GRM5: variants seen among roughly 807,000 people sequenced by gnomAD.
The protein encoded by GRM5 is metabotropic glutamate receptor 5.
GRM5 carries 19 observed loss-of-function variants against 83.1 expected under a neutral mutation model. The ratio of observed to expected loss-of-function variants is 0.23; its 90% CI spans 0.16 to 0.34. The LOEUF is 0.34. Ranked by LOEUF, GRM5 falls within the 10% of genes least tolerant of loss-of-function variation. The pLI is 1.00. For synonymous variants in GRM5, 675 were observed against 633.6 expected (o/e 1.07, Z -0.98); for missense variants, 1,160 against 1,588.3 (o/e 0.73, Z 4.58).
intron 3 of GRM5, among the ~76,000 whole-genome samples, chr11:88,843,319 AC>A (rs1458921819): frequency 6.6e-6 from 1 of 152,160 alleles, no homozygotes; most frequent in Non-Finnish European, 1.5e-5. Context: ...TTTATGGCAT[AC>A]AGTGTGATAT....
chr11:88,645,155 A>G (rs932576077), intron 4 of GRM5, among the ~76,000 whole-genome samples: 3 of 152,086 alleles, frequency 2.0e-5, no homozygotes, highest in Admixed American at 1.3e-4. Context: ...TTTAATCTTC[A>G]TTTTATTAAC....
intron 3 of GRM5, among the ~76,000 whole-genome samples, chr11:88,789,854 A>ATT (rs143126833): frequency 4.7e-5 from 7 of 150,272 alleles, no homozygotes; most frequent in East Asian, 2.0e-4. Flanking sequence ...TACAAGGCAA[A>ATT]TTTTTTTTTT....
At chr11:88,543,460 T>C (rs1339882377) in intron 8 of GRM5, among the ~76,000 whole-genome samples, 1 of 152,062 alleles carries the variant, frequency 6.6e-6, no homozygotes, top group Admixed American at 6.6e-5. Flanking sequence ...ACCATGTATG[T>C]ATCCCAGTGC....
chr11:88,923,551 G>A (rs949256667), intron 2 of GRM5, among the ~76,000 whole-genome samples: 2 of 152,112 alleles, frequency 1.3e-5, no homozygotes, highest in Admixed American at 1.3e-4. Flanking sequence ...AAGCTGGGAA[G>A]TGTAGTGGGG....
chr11:88,789,356 G>GA (rs890088490), intron 3 of GRM5, among the ~76,000 whole-genome samples: 2 of 145,480 alleles, frequency 1.4e-5, no homozygotes, highest in East Asian at 2.0e-4. Context: ...TAAAAGCAAA[G>GA]AAAAAAAAGA....
intron 1 of GRM5, among the ~76,000 whole-genome samples, chr11:89,064,939 AGG>A (rs1491546827): frequency 0.049 from 2,622 of 53,166 alleles, 175 homozygotes; most frequent in African/African-American, 0.12. Flanking sequence ...AGAGAGAGAG[AGG>A]GAGAGAGAGA....
At chr11:88,553,740 A>G (rs1263520300) in intron 8 of GRM5, among the ~76,000 whole-genome samples, 1 of 152,142 alleles carries the variant, frequency 6.6e-6, no homozygotes, top group African/African-American at 2.4e-5. Context: ...GAGCCAACCT[A>G]GGGATGAATA....
intron 3 of GRM5, among the ~76,000 whole-genome samples, chr11:88,694,984 C>T (rs931915928): frequency 6.6e-6 from 1 of 152,148 alleles, no homozygotes; most frequent in Non-Finnish European, 1.5e-5. Context: ...CACATGAGCT[C>T]TGAACTTAAC....
At chr11:88,662,593 G>A (rs1387514784) in intron 3 of GRM5, among the ~76,000 whole-genome samples, 1 of 152,130 alleles carries the variant, frequency 6.6e-6, no homozygotes, top group Non-Finnish European at 1.5e-5. Flanking sequence ...CTTTAAAATA[G>A]GGATACTACC....
At chr11:88,767,594 T>C (rs1158700777) in intron 3 of GRM5, among the ~76,000 whole-genome samples, 1 of 152,046 alleles carries the variant, frequency 6.6e-6, no homozygotes, top group African/African-American at 2.4e-5. Context: ...AAATACTGCA[T>C]GTTCTCACTT....
In GRM5 at chr11:88,789,311, T is replaced by C. The variant is rs772139588; in HGVS notation, c.911+60595A>G. 8.8e-4 allele frequency among the ~76,000 whole-genome samples: 134 copies of C among 151,838 alleles called. 2 individuals carry two copies. Among genetic ancestry groups the C allele is most frequent in the Middle Eastern group, 3.2e-3 (1 of 316 alleles). On this transcript the variant is annotated intron_variant, in intron 3 of 9. Transcript: ENST00000305447. The stretch of plus-strand genomic sequence containing the variant: ...AAATTGTGGGTGATGAGATCAATTG[T>C]CAAGGTCTGGAGGCCAAGTTCCATT...
At chr11:88,986,128 C>T (rs1344321610) in intron 2 of GRM5, among the ~76,000 whole-genome samples, 1 of 152,088 alleles carries the variant, frequency 6.6e-6, no homozygotes, top group Non-Finnish European at 1.5e-5. Flanking sequence ...TTTAAATGAC[C>T]ATGGTACATC....
chr11:88,695,774 G>A (rs910541635), intron 3 of GRM5, among the ~76,000 whole-genome samples: 3 of 152,150 alleles, frequency 2.0e-5, no homozygotes, highest in Admixed American at 1.3e-4. Context: ...GAGACAGGGT[G>A]TGGCTCGCTT....
chr11:88,570,571 A>ATATATATATATATATATTTTTT (rs1405339448), intron 7 of GRM5, among the ~76,000 whole-genome samples: 8 of 46,376 alleles, frequency 1.7e-4, no homozygotes, highest in Non-Finnish European at 2.8e-4. Context: ...ATATATATAT[A>ATATATATATATATATATTTTTT]TTTTTTTTTT....
intron 7 of GRM5, among the ~76,000 whole-genome samples, chr11:88,582,959 G>A (rs986886483): frequency 2.0e-5 from 3 of 152,030 alleles, no homozygotes; most frequent in African/African-American, 4.8e-5. Context: ...TCTTGTCCAT[G>A]TATAGAATGT....
chr11:89,016,968 T>C (rs1169389224), intron 2 of GRM5, among the ~76,000 whole-genome samples: 2 of 152,136 alleles, frequency 1.3e-5, no homozygotes, highest in African/African-American at 2.4e-5. Flanking sequence ...ACATTTTAAC[T>C]ACCAAATACA....
intron 3 of GRM5, among the ~76,000 whole-genome samples, chr11:88,697,923 C>T (rs1940939096): frequency 6.6e-6 from 1 of 152,200 alleles, no homozygotes; most frequent in South Asian, 2.1e-4. Context: ...CATCTTCTTG[C>T]TCATATGTAA....
In GRM5 at chr11:88,508,870, T is replaced by A. The variant is rs1372848228; in HGVS notation, c.3361A>T (p.Ile1121Phe). The change falls in exon 10 of 10, where the codon ATC becomes TTC. Residue 1121 changes from isoleucine to phenylalanine, a missense_variant. Ile to Phe is a conservative substitution (Grantham distance 21). This residue lies in a region of GRM5 where 562 missense variants were observed against 532.4 expected (regional missense o/e 1.06). Transcript: ENST00000305447. The surrounding 1 kb of genome is among the most constrained non-coding windows in gnomAD (Gnocchi z 4.2). ...TFAEIQPLPA[I>F]EVTGGAQPAA... ...GGCTGCGCGCCTCCCGTGACTTCGA[T>A]GGCCGGCAGAGGCTGGATTTCGGCA... The A allele has an allele frequency of 3.8e-6, 6 of 1,585,768 alleles. No individual in the cohort carries two copies. The highest frequency in any genetic ancestry group is 5.1e-6 in the Non-Finnish European group (6 of 1,167,632).
chr11:88,714,212 G>A lies in GRM5; in HGVS notation c.912-60809C>T, dbSNP rs115083419. Reference sequence around the variant, plus strand: ...GGTGGGGAAGTCACAACAGGCTACAGTAGGCTGTGGTTTTCTTTCTAAAGG... The same window carrying A: ...GGTGGGGAAGTCACAACAGGCTACAATAGGCTGTGGTTTTCTTTCTAAAGG... On this transcript the variant is annotated intron_variant, in intron 3 of 9. Transcript: ENST00000305447. Among the ~76,000 whole-genome samples the A allele has an allele frequency of 5.5e-3, 844 of 152,136 alleles. 6 individuals are homozygous for A. Among genetic ancestry groups the A allele is most frequent in the African/African-American group, 0.019 (780 of 41,552 alleles).
Sources: allele counts gnomAD v4.1 joint callset (sites outside exome capture counted in the v4.1 genomes callset), GRCh38; gene constraint gnomAD v4.1.1; regional missense constraint gnomAD v4.1.1; non-coding constraint Gnocchi (gnomAD v3.1); transcripts MANE v1.5; gene names NCBI Gene and HGNC (gene_info 2026-07-23, HGNC 2026-07-21).